IGF1R: variants seen among roughly 807,000 people sequenced by gnomAD.
IGF1R encodes insulin-like growth factor 1 receptor.
IGF1R carries 44 observed loss-of-function variants against 144.6 expected under a neutral mutation model. The observed-to-expected ratio is 0.30, with a 90% confidence interval of 0.24 to 0.39. The LOEUF is 0.39. Ranked by LOEUF, IGF1R falls within the 10% of genes least tolerant of loss-of-function variation. The pLI is 1.00. For missense variants in IGF1R, 1,355 were observed against 1,833.7 expected (o/e 0.74, Z 4.77); for synonymous variants, 795 against 722.8 (o/e 1.10, Z -1.60).
chr15:98,811,112 C>T (rs1386338719), intron 2 of IGF1R, among the ~76,000 whole-genome samples: 2 of 151,628 alleles, frequency 1.3e-5, no homozygotes, highest in Non-Finnish European at 2.9e-5. Context: ...ACCAGCCTGA[C>T]CAACATGGAG....
Position 98,891,180 on chromosome 15 carries a change from C to A in IGF1R, c.641-145C>A. The A allele has an allele frequency of 1.3e-6, 1 of 756,428 alleles. No homozygotes were observed. The highest frequency in any genetic ancestry group is 1.5e-5 in the South Asian group (1 of 67,280). 46.9% of individuals were successfully genotyped at this position (756,428 alleles called of 1,614,324 possible). ...AGGACAGTGGTGGGGGTGAGGATTTCGTAGTGTGTTTTTGCATTGTCTCCT... is the reference window on the plus strand; with the variant it reads ...AGGACAGTGGTGGGGGTGAGGATTTAGTAGTGTGTTTTTGCATTGTCTCCT... On this transcript the variant is annotated intron_variant, in intron 2 of 20. Transcript: ENST00000650285. This position sits in a 1 kb window ranked among gnomAD's most constrained non-coding sequence, Gnocchi z 4.7.
intron 2 of IGF1R, among the ~76,000 whole-genome samples, chr15:98,839,229 C>CA (rs1281636903): frequency 2.0e-5 from 3 of 152,190 alleles, no homozygotes; most frequent in Non-Finnish European, 4.4e-5. Context: ...ACTTTAGAGA[C>CA]AAAAAATTGA....
chr15:98,931,832 A>G (rs1262847990), intron 15 of IGF1R, among the ~76,000 whole-genome samples: 4 of 152,222 alleles, frequency 2.6e-5, no homozygotes, highest in Non-Finnish European at 5.9e-5. Flanking sequence ...ACTACAGCCT[A>G]TAGAGCGAGA....
rs2017276489 is a variant in IGF1R, at chr15:98,962,798, CA to C, written c.*5359del. The stretch of plus-strand genomic sequence containing the variant: ...GTCATCCGTGGGCATTTGGTTTCAA[CA>C]AAGAAACCTAACATCCTACTCTGGA... On this transcript the variant is annotated 3_prime_UTR_variant, in exon 21 of 21. Transcript: ENST00000650285. The C allele has an allele frequency of 4.3e-6, 1 of 233,502 alleles. No homozygotes were observed. The highest frequency in any genetic ancestry group is 1.8e-4 in the South Asian group (1 of 5,530). 14.5% of individuals were successfully genotyped at this position (233,502 alleles called of 1,614,324 possible).
intron 2 of IGF1R, among the ~76,000 whole-genome samples, chr15:98,744,783 G>A (rs1191250915): frequency 4.0e-5 from 6 of 151,266 alleles, no homozygotes; most frequent in Admixed American, 1.3e-4. Flanking sequence ...TTCTTTTGGC[G>A]TTTGTGATGA....
At chr15:98,772,127 A>G (rs140930411) in intron 2 of IGF1R, among the ~76,000 whole-genome samples, 3 of 152,186 alleles carry the variant, frequency 2.0e-5, no homozygotes, top group South Asian at 2.1e-4. Context: ...AAGTAAAAGC[A>G]TGAAGTTTTT....
At chr15:98,915,772 A>G (rs1004164305) in intron 8 of IGF1R, among the ~76,000 whole-genome samples, 192 bp from the exon 9 acceptor site, 1 of 152,248 alleles carries the variant, frequency 6.6e-6, no homozygotes, top group Admixed American at 6.5e-5. Flanking sequence ...AATAGATTAT[A>G]AAGGGAAATG....
chr15:98,963,798 G>T lies in IGF1R; in HGVS notation c.*6356G>T, dbSNP rs1205238760. On this transcript the variant is annotated 3_prime_UTR_variant, in exon 21 of 21. Coordinates refer to ENST00000650285, the MANE Select transcript of IGF1R (RefSeq NM_000875.5). ...AGATACGTATTTCCAATACAGAAAA[G>T]AATTTTTAATAAAAACTATAACATA... The T allele has an allele frequency of 4.3e-6, 1 of 232,742 alleles. No homozygotes were observed. Among genetic ancestry groups the T allele is most frequent in the Non-Finnish European group, 8.5e-6 (1 of 117,822 alleles). The allele number at this position is 232,742 out of a possible 1,614,324, so 14.4% of individuals were successfully genotyped here.
chr15:98,953,393 G>A (rs1382047377), intron 20 of IGF1R, among the ~76,000 whole-genome samples: 1 of 152,122 alleles, frequency 6.6e-6, no homozygotes, highest in Non-Finnish European at 1.5e-5. Flanking sequence ...TCCCTGCTGG[G>A]TCTGTACTTT....
chr15:98,666,186 G>C (rs752287693), intron 1 of IGF1R, among the ~76,000 whole-genome samples: 1 of 152,306 alleles, frequency 6.6e-6, no homozygotes, highest in African/African-American at 2.4e-5. Context: ...ATACTCATTA[G>C]TATGGCTATT....
At chr15:98,880,132 A>G (rs1271725124) in intron 2 of IGF1R, among the ~76,000 whole-genome samples, 1 of 152,208 alleles carries the variant, frequency 6.6e-6, no homozygotes, top group East Asian at 1.9e-4. Context: ...TGTGAATTAG[A>G]TCTCAATAAA....
At chr15:98,730,380 T>A (rs1410650251) in intron 2 of IGF1R, among the ~76,000 whole-genome samples, 1 of 152,238 alleles carries the variant, frequency 6.6e-6, no homozygotes, top group East Asian at 1.9e-4. Context: ...AGTACCACGA[T>A]ACTTTCTTCT....
chr15:98,743,456 C>G lies in IGF1R; in HGVS notation c.640+35349C>G, dbSNP rs77306809. 2.8e-3 allele frequency among the ~76,000 whole-genome samples: 433 copies of G among 152,278 alleles called. 1 individual carries two copies. The highest frequency in any genetic ancestry group is 5.2e-3 in the Admixed American group (80 of 15,300). On this transcript the variant is annotated intron_variant, in intron 2 of 20. Coordinates refer to ENST00000650285, the MANE Select transcript of IGF1R (RefSeq NM_000875.5). ...GTGGCATCTCTATACAACTGTTCGA[C>G]TAACTGTCGGAGACACCCTAATCAC...
At chr15:98,944,264 C>T (rs1245097644) in intron 19 of IGF1R, among the ~76,000 whole-genome samples, 1 of 152,178 alleles carries the variant, frequency 6.6e-6, no homozygotes, top group African/African-American at 2.4e-5. Context: ...ATCTCTCGGG[C>T]AAATTTTACC....
chr15:98,678,921 CTTTT>C (rs60694188), intron 1 of IGF1R, among the ~76,000 whole-genome samples: 74,565 of 130,406 alleles, frequency 0.57, 21,788 homozygotes, highest in Middle Eastern at 0.7. Flanking sequence ...CTCTGATGCT[CTTTT>C]TTTTTTTTTT....
chr15:98,703,647 G>C (rs1033420788), intron 1 of IGF1R, among the ~76,000 whole-genome samples: 4 of 152,196 alleles, frequency 2.6e-5, no homozygotes, highest in Non-Finnish European at 4.4e-5. Flanking sequence ...TATGGAGACT[G>C]CTCTTTCATT....
intron 2 of IGF1R, among the ~76,000 whole-genome samples, chr15:98,829,276 A>G (rs1410780424): frequency 6.6e-6 from 1 of 151,992 alleles, no homozygotes; most frequent in Non-Finnish European, 1.5e-5. Flanking sequence ...CGTGTTACAC[A>G]TGTCTGAGAT....
chr15:98,919,378 T>C (rs2015391854), intron 10 of IGF1R, among the ~76,000 whole-genome samples: 1 of 152,192 alleles, frequency 6.6e-6, no homozygotes, highest in Non-Finnish European at 1.5e-5. Context: ...CTTGGTTACG[T>C]TGCTGTCTTG....
At chr15:98,727,818 G>A (rs1298669933) in intron 2 of IGF1R, among the ~76,000 whole-genome samples, 5 of 152,130 alleles carry the variant, frequency 3.3e-5, no homozygotes, top group East Asian at 1.9e-4. Context: ...TGGGGAAACC[G>A]CCGGCCGGCC....
Sources: allele counts gnomAD v4.1 joint callset (sites outside exome capture counted in the v4.1 genomes callset), GRCh38; gene constraint gnomAD v4.1.1; non-coding constraint Gnocchi (gnomAD v3.1); transcripts MANE v1.5; gene names NCBI Gene and HGNC (gene_info 2026-07-23, HGNC 2026-07-21).